ULK4: variants seen among roughly 807,000 people sequenced by gnomAD.
ULK4 encodes the protein inactive serine/threonine-protein kinase ULK4.
In ULK4, 133 loss-of-function variants were observed where a neutral mutation model predicts 160.6. The ratio of observed to expected loss-of-function variants is 0.83; its 90% CI spans 0.72 to 0.96. The LOEUF (loss-of-function observed/expected upper bound fraction) is 0.96, where lower values mean the gene tolerates loss of function less well. Ranked by LOEUF, ULK4 falls within the 40% of genes least tolerant of loss-of-function variation. The probability of loss-of-function intolerance (pLI) is 0.00; values close to 1 mark genes in which losing one functional copy is unlikely to be tolerated. For missense variants in ULK4, 1,580 were observed against 1,499.5 expected, an observed-to-expected ratio of 1.05 and a Z score of -0.89; for synonymous variants, 534 against 539.8, an observed-to-expected ratio of 0.99 and a Z score of 0.15.
At chr3:41,842,478 A>G (rs1308692205) in intron 17 of ULK4, among the ~76,000 whole-genome samples, 1 of 152,136 alleles carries the variant, frequency 6.6e-6, no homozygotes, top group Non-Finnish European at 1.5e-5. Context: ...TGTGGTAGGT[A>G]TTTGTATGAT....
chr3:41,401,240 T>C (rs150651265), intron 34 of ULK4, among the ~76,000 whole-genome samples: 5 of 152,244 alleles, frequency 3.3e-5, no homozygotes, highest in Admixed American at 3.3e-4. Context: ...TTCTCCTATA[T>C]TTTTTTCTAA....
At chr3:41,498,459 C>T (rs543380727) in intron 32 of ULK4, among the ~76,000 whole-genome samples, 69 of 151,906 alleles carry the variant, frequency 4.5e-4, no homozygotes, top group Non-Finnish European at 8.7e-4. Flanking sequence ...CTTAGGACTC[C>T]GGGGAAAAAG....
chr3:41,953,283 C>CACATAT (rs1353091188), intron 2 of ULK4, among the ~76,000 whole-genome samples: 177 of 15,410 alleles, frequency 0.011, 3 homozygotes, highest in Middle Eastern at 0.038. Flanking sequence ...TACATATATA[C>CACATAT]ACATATATAT....
chr3:41,329,730 G>A (rs190673259), intron 35 of ULK4, among the ~76,000 whole-genome samples: 277 of 152,068 alleles, frequency 1.8e-3, no homozygotes, highest in Non-Finnish European at 3.5e-3. Context: ...TTCCACTGAC[G>A]AACATTTAGA....
At chr3:41,653,488 T>C (rs1221307311) in intron 30 of ULK4, among the ~76,000 whole-genome samples, 1 of 152,182 alleles carries the variant, frequency 6.6e-6, no homozygotes, top group Non-Finnish European at 1.5e-5. Context: ...CCTGATCTAC[T>C]GGCCTCACCA....
chr3:41,642,652 G>A (rs1435806938), intron 30 of ULK4, among the ~76,000 whole-genome samples: 1 of 152,120 alleles, frequency 6.6e-6, no homozygotes, highest in Non-Finnish European at 1.5e-5. Flanking sequence ...ATAAACATAC[G>A]TGTGCATGTG....
At chr3:41,885,201 T>C (rs1441317065) in intron 16 of ULK4, among the ~76,000 whole-genome samples, 1 of 152,170 alleles carries the variant, frequency 6.6e-6, no homozygotes, top group African/African-American at 2.4e-5. Flanking sequence ...CACTTAACCA[T>C]TTTTCAATTT....
At chr3:41,443,708 G>A (rs1366439029) in intron 34 of ULK4, among the ~76,000 whole-genome samples, 5 of 151,534 alleles carry the variant, frequency 3.3e-5, no homozygotes, top group African/African-American at 9.7e-5. Context: ...TATATATATC[G>A]TGATACATAT....
Position 41,791,046 on chromosome 3 carries a change from A to C in ULK4, c.2011-1203T>G, listed in dbSNP as rs529854790. Among the ~76,000 whole-genome samples the C allele has an allele frequency of 5.3e-5, 8 of 152,362 alleles. No individual in the cohort carries two copies. In the South Asian group the frequency reaches 1.7e-3, roughly 32 times the overall value. On this transcript the variant is annotated intron_variant, in intron 20 of 36. Transcript: ENST00000301831. Reference sequence around the variant, plus strand: ...TGTTAGAAATAATGATGTTAAGAGGAGGGACAGGAGAGAGGGATATATAAA... The same window carrying C: ...TGTTAGAAATAATGATGTTAAGAGGCGGGACAGGAGAGAGGGATATATAAA...
intron 21 of ULK4, among the ~76,000 whole-genome samples, chr3:41,788,869 G>A (rs1441264075): frequency 6.6e-6 from 1 of 151,892 alleles, no homozygotes; most frequent in East Asian, 1.9e-4. Context: ...ATATAGCCAG[G>A]CCTACTTTAT....
At chr3:41,926,645 A>G (rs1699397463) in intron 5 of ULK4, among the ~76,000 whole-genome samples, 1 of 152,208 alleles carries the variant, frequency 6.6e-6, no homozygotes, top group Non-Finnish European at 1.5e-5. Flanking sequence ...CAGTTTAGAG[A>G]AGAACATAAA....
chr3:41,332,726 T>C (rs1406109017), intron 35 of ULK4, among the ~76,000 whole-genome samples: 1 of 152,142 alleles, frequency 6.6e-6, no homozygotes, highest in Non-Finnish European at 1.5e-5. Context: ...GATGCTGAGG[T>C]TTGGGGTATG....
chr3:41,875,494 T>C (rs529400781), intron 17 of ULK4, among the ~76,000 whole-genome samples: 1 of 152,302 alleles, frequency 6.6e-6, no homozygotes, highest in East Asian at 1.9e-4. Context: ...TAGCTGGCCA[T>C]GGTGGCATGC....
intron 35 of ULK4, among the ~76,000 whole-genome samples, chr3:41,344,411 G>A (rs1459088267): frequency 6.6e-6 from 1 of 152,064 alleles, no homozygotes; most frequent in East Asian, 1.9e-4. Flanking sequence ...CTGGACATAG[G>A]CATGGGCAAA....
intron 32 of ULK4, among the ~76,000 whole-genome samples, chr3:41,498,527 T>C (rs1192351243): frequency 1.3e-5 from 2 of 151,362 alleles, no homozygotes; most frequent in South Asian, 4.2e-4. Context: ...AGAACAGAAA[T>C]CAATTAAACA....
chr3:41,565,544 C>T (rs1244962047), intron 32 of ULK4, among the ~76,000 whole-genome samples: 4 of 152,084 alleles, frequency 2.6e-5, no homozygotes, highest in Admixed American at 1.3e-4. Flanking sequence ...GAAAAGAAAC[C>T]TAAGCTAGCA....
At chr3:41,481,036 G>GTA (rs1226138985) in intron 32 of ULK4, among the ~76,000 whole-genome samples, 5 of 152,130 alleles carry the variant, frequency 3.3e-5, no homozygotes, top group Non-Finnish European at 7.3e-5. Context: ...CTGTATCAGT[G>GTA]TATAATACAT....
At chr3:41,666,663 C>A (rs145172734) in intron 29 of ULK4, among the ~76,000 whole-genome samples, 1 of 152,114 alleles carries the variant, frequency 6.6e-6, no homozygotes, top group African/African-American at 2.4e-5. Flanking sequence ...TACAGAAGGA[C>A]GGACCCACAA....
chr3:41,804,097 C>T (rs1445331393), intron 19 of ULK4, among the ~76,000 whole-genome samples: 1 of 151,790 alleles, frequency 6.6e-6, no homozygotes, highest in Non-Finnish European at 1.5e-5. Flanking sequence ...TTTACAGTCC[C>T]ACCAACACTG....
Sources: gnomAD v4.1 joint callset for allele counts (sites outside exome capture counted in the v4.1 genomes callset) on GRCh38, gnomAD v4.1.1 for gene constraint, MANE v1.5 for transcripts, NCBI Gene and HGNC (gene_info 2026-07-23, HGNC 2026-07-21) for gene names.